PLXNA2: variants seen among roughly 807,000 people sequenced by gnomAD.
PLXNA2 encodes plexin-A2.
Under a neutral mutation model 193.5 loss-of-function variants are expected in PLXNA2, and 91 were observed. The observed-to-expected ratio is 0.47, with a 90% confidence interval of 0.40 to 0.56. The LOEUF is 0.56. PLXNA2 is among the 20% of genes least tolerant of loss of function. The pLI is 0.00. For synonymous variants in PLXNA2, 997 were observed against 1,027.3 expected (o/e 0.97, Z 0.56); for missense variants, 1,995 against 2,503.2 (o/e 0.80, Z 4.33).
intron 3 of PLXNA2, among the ~76,000 whole-genome samples, chr1:208,178,007 A>C (rs1225132208): frequency 1.3e-5 from 2 of 152,260 alleles, no homozygotes; most frequent in African/African-American, 4.8e-5. Flanking sequence ...GAGGACTTGA[A>C]CAAACATTAG....
rs186040782 is a variant in PLXNA2, at chr1:208,025,556, C to G, written c.*1687G>C. On this transcript the variant is annotated 3_prime_UTR_variant, in exon 32 of 32. Transcript: ENST00000367033. ...TTTGCTTCCACTTGTCCTCCTACCC[C>G]CTGACTCCAGTGCTGCTTGCAGAAC... is the stretch of plus-strand genomic sequence containing the variant. The G allele has an allele frequency of 2.0e-5, 3 of 152,588 alleles. No homozygotes were observed. The highest frequency in any genetic ancestry group is 6.5e-5 in the Admixed American group (1 of 15,298). 9.5% of individuals were successfully genotyped at this position (152,588 alleles called of 1,614,324 possible).
At chr1:208,128,644 T>C (rs987308369) in intron 4 of PLXNA2, among the ~76,000 whole-genome samples, 15 of 151,744 alleles carry the variant, frequency 9.9e-5, no homozygotes, top group Non-Finnish European at 1.8e-4. Context: ...GTTTCCTTTT[T>C]CCCCCTCCTC....
chr1:208,159,970 T>C (rs1053218877), intron 3 of PLXNA2, among the ~76,000 whole-genome samples: 1 of 152,044 alleles, frequency 6.6e-6, no homozygotes, highest in Non-Finnish European at 1.5e-5. Flanking sequence ...GCTCAGGACA[T>C]GGGGGAGGGA....
intron 22 of PLXNA2, among the ~76,000 whole-genome samples, chr1:208,040,806 G>A (rs929334397): frequency 3.9e-5 from 6 of 152,252 alleles, no homozygotes; most frequent in Non-Finnish European, 7.3e-5. Context: ...CAGTGCTTAA[G>A]TGTTTTGCCA....
intron 3 of PLXNA2, among the ~76,000 whole-genome samples, chr1:208,198,792 G>C (rs1670443463): frequency 6.6e-6 from 1 of 152,194 alleles, no homozygotes; most frequent in South Asian, 2.1e-4. Context: ...TCAATTGAAT[G>C]CTAAAAAGCT....
chr1:208,121,526 T>A (rs1466823962), intron 4 of PLXNA2, among the ~76,000 whole-genome samples: 1 of 152,134 alleles, frequency 6.6e-6, no homozygotes, highest in Non-Finnish European at 1.5e-5. Context: ...TGAGTTCTCA[T>A]GAGAACTGAT....
chr1:208,224,134 G>T (rs1238780756), intron 1 of PLXNA2, among the ~76,000 whole-genome samples: 1 of 152,190 alleles, frequency 6.6e-6, no homozygotes, highest in Non-Finnish European at 1.5e-5. Context: ...GTAGCACAAG[G>T]TGAGCAAGAG....
chr1:208,229,828 G>T (rs145983827), intron 1 of PLXNA2, among the ~76,000 whole-genome samples: 1 of 152,212 alleles, frequency 6.6e-6, no homozygotes, highest in East Asian at 1.9e-4. Context: ...ATAAAGTGAT[G>T]AACAGAGTGG....
chr1:208,200,459 C>A (rs1007341915), intron 3 of PLXNA2, among the ~76,000 whole-genome samples: 5 of 151,992 alleles, frequency 3.3e-5, no homozygotes, highest in Non-Finnish European at 5.9e-5. Flanking sequence ...AAGTATTTGT[C>A]GTTCTGGTTC....
chr1:208,142,241 T>C, intron 4 of PLXNA2, 88 bp downstream of exon 4: 1 of 1,427,936 alleles, frequency 7.0e-7, no homozygotes, highest in Non-Finnish European at 9.4e-7. Context: ...AGGTCTCTCT[T>C]CTTGGACTGA....
At chr1:208,192,902 AAG>A (rs1202963973) in intron 3 of PLXNA2, among the ~76,000 whole-genome samples, 3,200 of 34,712 alleles carry the variant, frequency 0.092, 87 homozygotes, top group African/African-American at 0.21. Flanking sequence ...GAAAAAGAAA[AAG>A]AAAAAAAAAA....
At chr1:208,205,838 C>A (rs1165774244) in intron 3 of PLXNA2, among the ~76,000 whole-genome samples, 2 of 152,132 alleles carry the variant, frequency 1.3e-5, no homozygotes, top group Non-Finnish European at 2.9e-5. Context: ...ACCCAGTGGC[C>A]CTGTTCTGCC....
chr1:208,042,391 A>G (rs1339471678), intron 21 of PLXNA2, 25 bp from the exon 22 acceptor site: 2 of 1,605,394 alleles, frequency 1.2e-6, no homozygotes, highest in Admixed American at 3.4e-5. Flanking sequence ...GGTGGAGGCG[A>G]CGCCCTCAGA....
At chr1:208,185,216 C>T (rs1669957560) in intron 3 of PLXNA2, among the ~76,000 whole-genome samples, 1 of 152,122 alleles carries the variant, frequency 6.6e-6, no homozygotes. Context: ...TTAAGGAGGC[C>T]CTCTCAGTCC....
intron 22 of PLXNA2, 113 bp from the exon 23 acceptor site, chr1:208,040,171 G>A (rs1664821229): frequency 2.4e-6 from 2 of 834,182 alleles, no homozygotes; most frequent in Non-Finnish European, 2.0e-6. Flanking sequence ...GAGAACGCAG[G>A]GCGGGAGTCA....
chr1:208,215,622 GGATGGATGGAT>G (rs1264224722), intron 2 of PLXNA2, among the ~76,000 whole-genome samples: 4 of 151,068 alleles, frequency 2.6e-5, no homozygotes, highest in Non-Finnish European at 4.4e-5. Context: ...GTGAATAGAT[GGATGGATGGAT>G]GATGGATGGA....
chr1:208,190,456 G>C (rs1381746369), intron 3 of PLXNA2, among the ~76,000 whole-genome samples: 1 of 152,224 alleles, frequency 6.6e-6, no homozygotes, highest in Non-Finnish European at 1.5e-5. Flanking sequence ...CTGTTAGAAA[G>C]ATCAAATGAA....
intron 3 of PLXNA2, among the ~76,000 whole-genome samples, chr1:208,160,222 G>C (rs1014573393): frequency 1.7e-4 from 26 of 150,868 alleles, no homozygotes; most frequent in African/African-American, 5.9e-4. Context: ...AACCCCCCCC[G>C]CCCAGAAGTA....
At chr1:208,223,194 A>ATGG (rs1170633651) in intron 1 of PLXNA2, among the ~76,000 whole-genome samples, 1 of 52,184 alleles carries the variant, frequency 1.9e-5, no homozygotes, top group African/African-American at 6.8e-5. Context: ...AAAGCAGGAG[A>ATGG]ATGCTGAGGG....
Sources: allele counts gnomAD v4.1 joint callset (sites outside exome capture counted in the v4.1 genomes callset), GRCh38; gene constraint gnomAD v4.1.1; transcripts MANE v1.5; gene names NCBI Gene and HGNC (gene_info 2026-07-23, HGNC 2026-07-21).